NCEH1: variants seen among roughly 807,000 people sequenced by gnomAD.
NCEH1 encodes the protein neutral cholesterol ester hydrolase 1, also known as 2-acetyl MAGE hydrolase.
Under a neutral mutation model 25.4 loss-of-function variants are expected in NCEH1, and 9 were observed. The observed-to-expected ratio is 0.35, with a 90% CI of 0.21 to 0.62. The LOEUF (loss-of-function observed/expected upper bound fraction) is 0.62. NCEH1 is among the 20% of genes least tolerant of loss of function. NCEH1 has a pLI of 0.72. For missense variants in NCEH1, 412 were observed against 501.1 expected (o/e 0.82, Z 1.70); for synonymous variants, 200 against 199.8 (o/e 1.00, Z -0.01).
intron 3 of NCEH1, among the ~76,000 whole-genome samples, chr3:172,641,783 C>T (rs867974682): frequency 6.6e-6 from 1 of 152,214 alleles, no homozygotes; most frequent in Admixed American, 6.5e-5. Flanking sequence ...CCTCTTACTA[C>T]ACCACTTTGG....
chr3:172,698,377 T>A (rs1184645909), intron 1 of NCEH1, among the ~76,000 whole-genome samples: 1 of 152,156 alleles, frequency 6.6e-6, no homozygotes, highest in Non-Finnish European at 1.5e-5. Context: ...CTGTGTTCAG[T>A]GAAATGGAAG....
chr3:172,690,399 A>G (rs1353458121), intron 1 of NCEH1, among the ~76,000 whole-genome samples: 1 of 152,218 alleles, frequency 6.6e-6, no homozygotes, highest in Non-Finnish European at 1.5e-5. Context: ...CATTTAAGCC[A>G]CTGAAGTAAC....
intron 2 of NCEH1, among the ~76,000 whole-genome samples, chr3:172,646,506 A>G (rs533214423): frequency 6.6e-6 from 1 of 152,366 alleles, no homozygotes; most frequent in South Asian, 2.1e-4. Context: ...AGAGGATTCC[A>G]AAGGTCTGCA....
rs1368844628 is a variant in NCEH1, at chr3:172,675,331, A to AAATAAATAAATTAATTAATT, written c.139-27218_139-27217insAATTAATTAATTTATTTATT. 1.8e-4 allele frequency among the ~76,000 whole-genome samples: 27 copies of AAATAAATAAATTAATTAATT among 150,476 alleles called. 1 individual carries two copies. The highest frequency in any genetic ancestry group is 6.4e-4 in the African/African-American group (26 of 40,338). ...TAAATAAATAAATAAATAAATAAAT[A>AAATAAATAAATTAATTAATT]AATAAATAAATGATTTTGTGAGTTG... is the stretch of plus-strand genomic sequence containing the variant. On this transcript the variant is annotated intron_variant, in intron 1 of 4. Coordinates refer to ENST00000475381, the MANE Select transcript of NCEH1 (RefSeq NM_020792.6).
At chr3:172,698,391 C>A (rs764428951) in intron 1 of NCEH1, among the ~76,000 whole-genome samples, 2 of 152,158 alleles carry the variant, frequency 1.3e-5, no homozygotes, top group Non-Finnish European at 2.9e-5. Context: ...ATGGAAGTGA[C>A]TGAAACCTTG....
chr3:172,673,705 G>A (rs1197923986), intron 1 of NCEH1, among the ~76,000 whole-genome samples: 2 of 152,174 alleles, frequency 1.3e-5, no homozygotes, highest in Non-Finnish European at 2.9e-5. Flanking sequence ...TAGCTGATCA[G>A]GCAGCCAAGT....
chr3:172,674,840 C>G (rs1711862145), intron 1 of NCEH1, among the ~76,000 whole-genome samples: 1 of 152,078 alleles, frequency 6.6e-6, no homozygotes, highest in South Asian at 2.1e-4. Flanking sequence ...GGATTAATTG[C>G]AGGAAAAATT....
chr3:172,645,475 G>C, intron 3 of NCEH1, 148 bp downstream of exon 3: 1 of 493,600 alleles, frequency 2.0e-6, no homozygotes, highest in Non-Finnish European at 3.7e-6. Flanking sequence ...TCATTTTTCT[G>C]ATTATGCTGA....
chr3:172,653,759 T>TTTTTTTG (rs1491535319), intron 1 of NCEH1, among the ~76,000 whole-genome samples: 2 of 71,562 alleles, frequency 2.8e-5, no homozygotes, highest in South Asian at 4.5e-4. Context: ...TTTGTTTTTT[T>TTTTTTTG]GTTTTTTTTT....
intron 1 of NCEH1, among the ~76,000 whole-genome samples, chr3:172,692,279 C>T (rs1457874937): frequency 6.6e-6 from 1 of 152,174 alleles, no homozygotes; most frequent in Non-Finnish European, 1.5e-5. Context: ...TCATTGTTTT[C>T]AATCAAATTA....
intron 1 of NCEH1, among the ~76,000 whole-genome samples, chr3:172,662,635 AT>A (rs1203045693): frequency 1.3e-5 from 2 of 152,186 alleles, no homozygotes; most frequent in Non-Finnish European, 2.9e-5. Flanking sequence ...TATTGCCTCA[AT>A]TTCAGAACCT....
At chr3:172,654,483 T>C (rs1717600554) in intron 1 of NCEH1, among the ~76,000 whole-genome samples, 1 of 152,238 alleles carries the variant, frequency 6.6e-6, no homozygotes, top group Admixed American at 6.5e-5. Flanking sequence ...CTAGGGAAGC[T>C]GAGACTATCG....
At position 172,683,402 on chromosome 3, in the gene NCEH1, CAAAAAAAAAAA is replaced by C. The variant is rs1165644401; in HGVS notation, c.138+27434_138+27444del. On this transcript the variant is annotated intron_variant, in intron 1 of 4. Transcript: ENST00000475381. ...TGGGCGACAGAGCGAGACTCCGTCT[CAAAAAAAAAAA>C]AAAAAAAAAAAAAAAAGAAGCGGAG... 3.2e-4 allele frequency among the ~76,000 whole-genome samples: 5 copies of C among 15,700 alleles called. 1 individual carries two copies. Among genetic ancestry groups the C allele is most frequent in the Non-Finnish European group, 4.6e-4 (4 of 8,648 alleles). 10.3% of individuals were successfully genotyped at this position (15,700 alleles called of 152,430 possible).
At chr3:172,669,741 T>C (rs1240932635) in intron 1 of NCEH1, among the ~76,000 whole-genome samples, 2 of 152,218 alleles carry the variant, frequency 1.3e-5, no homozygotes, top group Admixed American at 6.5e-5. Flanking sequence ...TTCGCCATCT[T>C]GGCCAGGCTA....
chr3:172,656,868 C>T (rs669376), intron 1 of NCEH1, among the ~76,000 whole-genome samples: 38,230 of 152,046 alleles, frequency 0.25, 5,022 homozygotes, highest in Middle Eastern at 0.32. Context: ...ATTAGGCTCA[C>T]CAATGAACCC....
chr3:172,673,232 G>T (rs1003065233), intron 1 of NCEH1, among the ~76,000 whole-genome samples: 2 of 152,176 alleles, frequency 1.3e-5, no homozygotes, highest in African/African-American at 4.8e-5. Flanking sequence ...CCAAGCCATT[G>T]TCATAGTAGC....
At chr3:172,672,497 G>C (rs946589791) in intron 1 of NCEH1, among the ~76,000 whole-genome samples, 4 of 152,196 alleles carry the variant, frequency 2.6e-5, no homozygotes, top group Non-Finnish European at 4.4e-5. Context: ...AAGGCTGATA[G>C]AGGCACTAAT....
At chr3:172,660,062 C>T (rs1398861919) in intron 1 of NCEH1, among the ~76,000 whole-genome samples, 1 of 151,802 alleles carries the variant, frequency 6.6e-6, no homozygotes, top group Non-Finnish European at 1.5e-5. Context: ...ATACATGTGC[C>T]ATGTTGGTGT....
intron 1 of NCEH1, among the ~76,000 whole-genome samples, chr3:172,682,244 C>T (rs1191057012): frequency 6.6e-6 from 1 of 152,196 alleles, no homozygotes; most frequent in Non-Finnish European, 1.5e-5. Context: ...ATCTTGGATG[C>T]TCATCTGTCA....
Sources: gnomAD v4.1 joint callset for allele counts (sites outside exome capture counted in the v4.1 genomes callset) on GRCh38, gnomAD v4.1.1 for gene constraint, MANE v1.5 for transcripts, NCBI Gene and HGNC (gene_info 2026-07-23, HGNC 2026-07-21) for gene names.